SEPTIN7: variants seen among roughly 807,000 people sequenced by gnomAD.
SEPTIN7 encodes the protein septin-7.
In SEPTIN7, 10 loss-of-function variants were observed where a neutral mutation model predicts 63.3. The observed-to-expected ratio is 0.16, with a 90% CI of 0.10 to 0.27. The LOEUF is 0.27. SEPTIN7 is among the 10% of genes least tolerant of loss of function. The pLI is 1.00. For missense variants in SEPTIN7, 310 were observed against 521.0 expected (o/e 0.59, Z 3.94); for synonymous variants, 131 against 165.3 (o/e 0.79, Z 1.59).
chr7:35,804,666 C>T (rs543214932), intron 1 of SEPTIN7, among the ~76,000 whole-genome samples: 2 of 152,072 alleles, frequency 1.3e-5, no homozygotes, highest in African/African-American at 4.8e-5. Flanking sequence ...GTTAACAATA[C>T]GGTACATTGA....
chr7:35,908,791 C>G (rs1160710143), downstream of SEPTIN7, among the ~76,000 whole-genome samples: 3 of 152,208 alleles, frequency 2.0e-5, no homozygotes, highest in African/African-American at 7.2e-5. Flanking sequence ...GTAAGTAGAG[C>G]ACAGATTCCC....
chr7:35,853,298 C>T (rs113160618), intron 3 of SEPTIN7, among the ~76,000 whole-genome samples: 10,754 of 152,112 alleles, frequency 0.071, 427 homozygotes, highest in South Asian at 0.18. Context: ...TGGTGGCATG[C>T]ACCTGTAGTC....
At chr7:35,902,395 CTGT>C (rs1788378325) in intron 12 of SEPTIN7, 1 of 152,126 alleles carries the variant, frequency 6.6e-6, no homozygotes, top group Non-Finnish European at 1.5e-5. Context: ...ATTAGAATCA[CTGT>C]AACTTGTTGA....
chr7:35,825,860 G>T (rs1277316248), intron 1 of SEPTIN7, among the ~76,000 whole-genome samples: 1 of 152,018 alleles, frequency 6.6e-6, no homozygotes, highest in Non-Finnish European at 1.5e-5. Flanking sequence ...TTAAATATTA[G>T]AATCTTTTTA....
chr7:35,826,443 T>C (rs535221218), intron 1 of SEPTIN7, among the ~76,000 whole-genome samples: 18 of 150,990 alleles, frequency 1.2e-4, no homozygotes, highest in Non-Finnish European at 2.1e-4. Flanking sequence ...AGATTGGAGT[T>C]ATTTAGAAAA....
intron 11 of SEPTIN7, among the ~76,000 whole-genome samples, chr7:35,897,058 G>C (rs1302617859): frequency 1.3e-5 from 2 of 152,192 alleles, no homozygotes. Context: ...CATAATAAGA[G>C]TGTGTCAAAT....
chr7:35,810,795 C>G (rs966826930), intron 1 of SEPTIN7, among the ~76,000 whole-genome samples: 1 of 150,608 alleles, frequency 6.6e-6, no homozygotes, highest in East Asian at 1.9e-4. Context: ...GAGACAGAGG[C>G]TCGCTCTGTC....
rs1788633044 is a variant in SEPTIN7, at chr7:35,906,916, ATGT to A, written c.*2626_*2628del. 1 of 152,238 alleles carries A rather than the reference ATGT, an allele frequency of 6.6e-6. No individual in the cohort carries two copies. Among genetic ancestry groups the A allele is most frequent in the African/African-American group, 2.4e-5 (1 of 41,454 alleles). 9.4% of individuals were successfully genotyped at this position (152,238 alleles called of 1,614,324 possible). On this transcript the variant is annotated 3_prime_UTR_variant, in exon 14 of 14. Transcript: ENST00000350320. ...TAGCTATGAATGCATGAGGAGCGAA[ATGT>A]TGACTCAGTTATCTAGATCATGGTC...
chr7:35,848,436 T>C (rs1169950433), intron 3 of SEPTIN7, among the ~76,000 whole-genome samples: 1 of 151,958 alleles, frequency 6.6e-6, no homozygotes, highest in Non-Finnish European at 1.5e-5. Context: ...CCCAGCTAAT[T>C]TTTTGGTTTT....
chr7:35,889,646 C>T (rs1196593518), intron 10 of SEPTIN7, among the ~76,000 whole-genome samples: 4 of 152,070 alleles, frequency 2.6e-5, no homozygotes, highest in Non-Finnish European at 4.4e-5. Flanking sequence ...TGGGTTCAAG[C>T]GATTCTCCTG....
intron 1 of SEPTIN7, among the ~76,000 whole-genome samples, chr7:35,816,709 TC>T (rs1422706236): frequency 2.0e-5 from 3 of 152,292 alleles, no homozygotes; most frequent in Admixed American, 1.3e-4. Flanking sequence ...GTATGAGAGT[TC>T]CAGTTTTTCC....
chr7:35,913,210 C>T, the SEPTIN7 span, among the ~76,000 whole-genome samples: 6 of 152,122 alleles, frequency 3.9e-5, no homozygotes, highest in Admixed American at 1.3e-4. Context: ...CTTTGCTCCT[C>T]GTATGCTGGG....
At chr7:35,889,378 A>G (rs140467145) in intron 10 of SEPTIN7, among the ~76,000 whole-genome samples, 2,245 of 152,278 alleles carry the variant, frequency 0.015, 50 homozygotes, top group African/African-American at 0.05. Context: ...ACTTAGGACT[A>G]AGGGGAGTCA....
At chr7:35,838,664 G>A (rs1465861586) in intron 3 of SEPTIN7, 1 of 151,938 alleles carries the variant, frequency 6.6e-6, no homozygotes. Context: ...ACAGGTGTGA[G>A]CCATTATGCC....
intron 1 of SEPTIN7, among the ~76,000 whole-genome samples, chr7:35,829,671 A>G (rs749315631): frequency 2.6e-5 from 4 of 152,092 alleles, no homozygotes; most frequent in African/African-American, 7.2e-5. Context: ...TCCTTTTTTG[A>G]TGTACCATTT....
chr7:35,807,249 G>C (rs951397812), intron 1 of SEPTIN7, among the ~76,000 whole-genome samples: 1 of 150,026 alleles, frequency 6.7e-6, no homozygotes, highest in African/African-American at 2.5e-5. Context: ...CAATGGCACA[G>C]TCTCAGCCAC....
At chr7:35,820,873 T>A (rs1239355340) in intron 1 of SEPTIN7, among the ~76,000 whole-genome samples, 1 of 152,198 alleles carries the variant, frequency 6.6e-6, no homozygotes, top group African/African-American at 2.4e-5. Flanking sequence ...TTTATTGTTG[T>A]TGCTTTTTGT....
chr7:35,807,744 T>A (rs1476720457), intron 1 of SEPTIN7, among the ~76,000 whole-genome samples: 1 of 152,076 alleles, frequency 6.6e-6, no homozygotes, highest in Admixed American at 6.6e-5. Context: ...GTGATCCACC[T>A]GCCTTGGCCT....
chr7:35,909,088 C>T (rs143816260), downstream of SEPTIN7, among the ~76,000 whole-genome samples: 5 of 152,162 alleles, frequency 3.3e-5, no homozygotes, highest in African/African-American at 1.2e-4. Context: ...TTTCAGAAGT[C>T]GGAATATATC....
Sources: gnomAD v4.1 joint callset for allele counts (sites outside exome capture counted in the v4.1 genomes callset) on GRCh38, gnomAD v4.1.1 for gene constraint, MANE v1.5 for transcripts, NCBI Gene and HGNC (gene_info 2026-07-23, HGNC 2026-07-21) for gene names.